Variants in DOCK3 observed in about 807,000 individuals in gnomAD.
DOCK3 encodes dedicator of cytokinesis protein 3.
Under a neutral mutation model 265.6 loss-of-function variants are expected in DOCK3, and 60 were observed. The observed-to-expected ratio is 0.23, with a 90% CI of 0.18 to 0.28. The LOEUF (loss-of-function observed/expected upper bound fraction) is 0.28. DOCK3 is among the 10% of genes least tolerant of loss of function. The pLI, the probability that DOCK3 is intolerant of heterozygous loss-of-function variation, is 1.00. For missense variants in DOCK3, 1,981 were observed against 2,594.3 expected, an observed-to-expected ratio of 0.76 and a Z score of 5.14; for synonymous variants, 881 against 938.0, an observed-to-expected ratio of 0.94 and a Z score of 1.11.
chr3:50,986,888 T>C (rs1476124215), intron 5 of DOCK3, among the ~76,000 whole-genome samples: 1 of 152,202 alleles, frequency 6.6e-6, no homozygotes, highest in Admixed American at 6.5e-5. Flanking sequence ...CTATGCATCA[T>C]TTATGAAAGC....
intron 37 of DOCK3, 33 bp from the exon 38 acceptor site, chr3:51,341,204 G>C: frequency 6.5e-7 from 1 of 1,533,916 alleles, no homozygotes; most frequent in Non-Finnish European, 8.8e-7. Flanking sequence ...AGCAAGGGAA[G>C]CCCCTGGACC....
intron 3 of DOCK3, chr3:50,863,521 C>G (rs1275022592): frequency 2.0e-6 from 1 of 492,506 alleles, no homozygotes. Context: ...CTCCAGTTTT[C>G]CAGGGGTCGA....
chr3:51,184,682 A>T (rs1355899933), intron 12 of DOCK3, among the ~76,000 whole-genome samples: 1 of 152,210 alleles, frequency 6.6e-6, no homozygotes, highest in Non-Finnish European at 1.5e-5. Flanking sequence ...ATTTCAAGTA[A>T]CGTATGCATA....
intron 1 of DOCK3, among the ~76,000 whole-genome samples, chr3:50,736,658 T>A (rs1429711565): frequency 6.6e-6 from 1 of 151,794 alleles, no homozygotes; most frequent in Non-Finnish European, 1.5e-5. Flanking sequence ...CCACTGATGA[T>A]GAGCATTTTT....
At chr3:50,762,449 C>G (rs1026337932) in intron 1 of DOCK3, among the ~76,000 whole-genome samples, 3 of 151,920 alleles carry the variant, frequency 2.0e-5, no homozygotes, top group African/African-American at 7.3e-5. Context: ...TTTTGGTCAT[C>G]AATATGGTGG....
chr3:50,787,126 T>C, intron 2 of DOCK3: 2 of 694,378 alleles, frequency 2.9e-6, no homozygotes, highest in South Asian at 2.9e-5. Context: ...AACTAAATGT[T>C]TTTTTCACAG....
At chr3:51,198,474 CAG>C (rs1451202739) in intron 12 of DOCK3, among the ~76,000 whole-genome samples, 2 of 150,646 alleles carry the variant, frequency 1.3e-5, no homozygotes, top group East Asian at 2.0e-4. Flanking sequence ...CAAAGAGTGA[CAG>C]AGACTGCAAC....
chr3:51,098,891 T>TA (rs1461974671), intron 9 of DOCK3, among the ~76,000 whole-genome samples: 1 of 152,224 alleles, frequency 6.6e-6, no homozygotes, highest in African/African-American at 2.4e-5. Flanking sequence ...TCAGTATACT[T>TA]AAATTCCCTA....
Position 50,802,350 on chromosome 3 carries a change from C to T in DOCK3, c.121+23592C>T, listed in dbSNP as rs1015759067. On this transcript the variant is annotated intron_variant, in intron 2 of 52. Transcript: ENST00000266037. ...TTTCTCTCTTGTTTGTGTATGAGTCCTACCAATGAGTTTTATTGTTCCGTA... is the reference window on the plus strand; with the variant it reads ...TTTCTCTCTTGTTTGTGTATGAGTCTTACCAATGAGTTTTATTGTTCCGTA... Among the ~76,000 whole-genome samples, 56 of 151,930 alleles carry T rather than the reference C, an allele frequency of 3.7e-4. 1 individual carries two copies. Among genetic ancestry groups the T allele is most frequent in the Non-Finnish European group, 2.9e-5 (2 of 67,980 alleles).
intron 51 of DOCK3, chr3:51,379,569 A>T (rs1380678063): frequency 4.1e-6 from 4 of 985,334 alleles, no homozygotes; most frequent in African/African-American, 3.5e-5. Context: ...AGCCTGCTGC[A>T]TGGTAAGAAG....
intron 7 of DOCK3, among the ~76,000 whole-genome samples, chr3:51,076,753 A>G (rs887280179): frequency 7.9e-5 from 12 of 152,282 alleles, no homozygotes; most frequent in African/African-American, 2.4e-4. Flanking sequence ...TAAGTATACA[A>G]TGATGCTCTT....
intron 12 of DOCK3, among the ~76,000 whole-genome samples, chr3:51,175,368 A>T (rs2086887804): frequency 6.6e-6 from 1 of 152,280 alleles, no homozygotes; most frequent in South Asian, 2.1e-4. Context: ...GACTGTGGCT[A>T]GGAGGGACTG....
intron 20 of DOCK3, among the ~76,000 whole-genome samples, chr3:51,237,282 G>A (rs773462978): frequency 1.3e-5 from 2 of 152,198 alleles, no homozygotes; most frequent in Non-Finnish European, 2.9e-5. Context: ...ATGAGCCCGG[G>A]TCTGAATTAG....
At chr3:50,926,379 A>G (rs1213365342) in intron 4 of DOCK3, among the ~76,000 whole-genome samples, 2 of 152,124 alleles carry the variant, frequency 1.3e-5, no homozygotes, top group Non-Finnish European at 2.9e-5. Context: ...TTGCCTATTA[A>G]TTTGTTCATT....
intron 3 of DOCK3, among the ~76,000 whole-genome samples, chr3:50,848,882 G>T (rs2046220061): frequency 6.6e-6 from 1 of 152,116 alleles, no homozygotes. Flanking sequence ...CCTCAAATGT[G>T]TTTTCCAGAT....
At chr3:51,320,122 G>C (rs1255682592) in intron 32 of DOCK3, among the ~76,000 whole-genome samples, 2 of 152,290 alleles carry the variant, frequency 1.3e-5, no homozygotes, top group East Asian at 3.9e-4. Context: ...GAGGTACCCA[G>C]CTCATCTCAT....
intron 3 of DOCK3, among the ~76,000 whole-genome samples, chr3:50,886,185 GAGATATATATAT>G (rs2048322877): frequency 2.5e-5 from 3 of 120,972 alleles, no homozygotes; most frequent in South Asian, 3.0e-4. Context: ...TTTTATTTTG[GAGATATATATAT>G]ATATATATAT....
chr3:51,237,657 T>C, intron 21 of DOCK3, 67 bp downstream of exon 21: 2 of 1,375,768 alleles, frequency 1.5e-6, no homozygotes, highest in Non-Finnish European at 2.0e-6. Context: ...TAAAAAAGTT[T>C]AGCTGCAACC....
chr3:51,044,380 G>A (rs947737400), intron 5 of DOCK3, among the ~76,000 whole-genome samples: 2 of 152,104 alleles, frequency 1.3e-5, no homozygotes, highest in Non-Finnish European at 2.9e-5. Flanking sequence ...GCTAAATGAT[G>A]AGAGCACATG....
Sources: gnomAD v4.1 joint callset for allele counts (sites outside exome capture counted in the v4.1 genomes callset) on GRCh38, gnomAD v4.1.1 for gene constraint, MANE v1.5 for transcripts, NCBI Gene and HGNC (gene_info 2026-07-23, HGNC 2026-07-21) for gene names.